Variants in NACAD observed in about 807,000 individuals in gnomAD.
NACAD encodes NAC-alpha domain-containing protein 1.
A neutral mutation model predicts 98.9 loss-of-function variants in NACAD; 47 were observed. The ratio of observed to expected loss-of-function variants is 0.48; its 90% CI spans 0.38 to 0.61. The LOEUF (loss-of-function observed/expected upper bound fraction) is 0.61, where lower values mean the gene tolerates loss of function less well. Ranked by LOEUF, NACAD falls within the 20% of genes least tolerant of loss-of-function variation. The probability of loss-of-function intolerance (pLI) is 0.00; values close to 1 mark genes in which losing one functional copy is unlikely to be tolerated. For missense variants in NACAD, 1,412 were observed against 1,748.2 expected (o/e 0.81, Z 3.43); for synonymous variants, 696 against 767.2 (o/e 0.91, Z 1.53).
At position 45,081,874 on chromosome 7, in the gene NACAD, A is replaced by G. The variant is rs1323529572; in HGVS notation, c.4073-7T>C. 6.5e-7 allele frequency: 1 copy of G among 1,542,770 alleles called. No individual in the cohort carries two copies. Among genetic ancestry groups the G allele is most frequent in the African/African-American group, 1.4e-5 (1 of 72,904 alleles). On this transcript the variant is annotated splice_polypyrimidine_tract_variant and splice_region_variant and intron_variant, in intron 2 of 7. Coordinates refer to ENST00000490531, the MANE Select transcript of NACAD (RefSeq NM_001146334.2). ...CCCAGGGCCCGAGGCGAGTCTGGGG[A>G]AGGGGAGAGGTGTGAGGATGGCCTT...
In NACAD at chr7:45,085,858, C is replaced by T. The variant is rs1784514209; in HGVS notation, c.322G>A (p.Glu108Lys). 1 of 1,546,166 alleles carries T rather than the reference C, an allele frequency of 6.5e-7. No homozygotes were observed. The highest frequency in any genetic ancestry group is 8.7e-7 in the Non-Finnish European group (1 of 1,145,320). ...TCCAGGGTGGCCGGGAGAGGAGCCT[C>T]CGTGGACAGAGCCTGGGAAGACAGG... Reference protein sequence around the residue: ...EGLSSQALSTEAPLPATLEPR... With the variant: ...EGLSSQALSTKAPLPATLEPR... Residue 108 changes from glutamate to lysine, a missense_variant, in exon 2 of 8, where the codon GAG becomes AAG. Physicochemically the swap from Glu to Lys is moderately conservative, Grantham distance 56. Transcript: ENST00000490531. This position sits in a 1 kb window ranked among gnomAD's most constrained non-coding sequence, Gnocchi z 6.1.
At position 45,088,441 on chromosome 7, in the gene NACAD, T is replaced by TG. The variant is rs1381604896; in HGVS notation, c.67+386dup. Among the ~76,000 whole-genome samples the TG allele has an allele frequency of 6.6e-6, 1 of 152,000 alleles. No homozygotes were observed. The highest frequency in any genetic ancestry group is 1.9e-4 in the East Asian group (1 of 5,152). Reference sequence around the variant, plus strand: ...CCTCCCGGTGGTCACCTGATCGTACTGGGGGTATCAGCCGGACACCCCGCC... The same window carrying TG: ...CCTCCCGGTGGTCACCTGATCGTACTGGGGGGTATCAGCCGGACACCCCGCC... On this transcript the variant is annotated intron_variant, in intron 1 of 7. Transcript: ENST00000490531. The surrounding 1 kb of genome is among the most constrained non-coding windows in gnomAD (Gnocchi z 5.7).
At chr7:45,081,908 A>G (rs368480718) in intron 2 of NACAD, 41 bp from the exon 3 acceptor site, 2 of 1,527,310 alleles carry the variant, frequency 1.3e-6, no homozygotes. Context: ...TTTTGCTTCT[A>G]GGTGGCGGGG....
chr7:45,088,039 CA>C lies in NACAD; in HGVS notation c.67+788del, dbSNP rs1784547996. On this transcript the variant is annotated intron_variant, in intron 1 of 7. Transcript: ENST00000490531. The surrounding 1 kb of genome is among the most constrained non-coding windows in gnomAD (Gnocchi z 5.7). ...GCAGAGGCAGCAGCCTGTGTCACCC[CA>C]AACCAGGCCCCAGGCCCCAGCAGTG... Among the ~76,000 whole-genome samples, 1 of 152,206 alleles carries C rather than the reference CA, an allele frequency of 6.6e-6. No individual in the cohort carries two copies. Among genetic ancestry groups the C allele is most frequent in the Non-Finnish European group, 1.5e-5 (1 of 68,040 alleles).
Position 45,083,186 on chromosome 7 carries a change from G to A in NACAD, c.2994C>T (p.Val998=). 6.4e-7 allele frequency: 1 copy of A among 1,550,886 alleles called. No individual in the cohort carries two copies. The change falls in exon 2 of 8, where the codon GTC becomes GTT. Residue 998 remains valine, a synonymous_variant. Transcript: ENST00000490531. ...TVPEPAALDQ[V]QQDDPQPAAE... ...CAGCTGGCTGTGGGTCATCCTGTTGGACCTGGTCCAAGGCTGCAGGCTCCG... is the reference window on the plus strand; with the variant it reads ...CAGCTGGCTGTGGGTCATCCTGTTGAACCTGGTCCAAGGCTGCAGGCTCCG...
intron 7 of NACAD, 52 bp from the exon 8 acceptor site, chr7:45,080,575 A>T (rs1784412778): frequency 6.4e-7 from 1 of 1,551,316 alleles, no homozygotes; most frequent in Non-Finnish European, 8.7e-7. Flanking sequence ...TGGAGCCAAC[A>T]TCAGGACCTC....
Position 45,085,986 on chromosome 7 carries a change from G to A in NACAD, c.194C>T (p.Pro65Leu). The A allele has an allele frequency of 6.5e-7, 1 of 1,538,084 alleles. No homozygotes were observed. Among genetic ancestry groups the A allele is most frequent in the East Asian group, 2.5e-5 (1 of 40,744 alleles). ...TFLPSKPGAR[P>L]QPEGASWDAG... is the part of the protein sequence containing the mutation. Reference sequence around the variant, plus strand: ...ATCCCAGCTGGCTCCCTCGGGCTGGGGCCGGGCACCCGGCTTGCTGGGCAG... The same window carrying A: ...ATCCCAGCTGGCTCCCTCGGGCTGGAGCCGGGCACCCGGCTTGCTGGGCAG... Residue 65 changes from proline to leucine, a missense_variant, in exon 2 of 8, where the codon CCC becomes CTC. Coordinates refer to ENST00000490531, the MANE Select transcript of NACAD (RefSeq NM_001146334.2). The surrounding 1 kb of genome is among the most constrained non-coding windows in gnomAD (Gnocchi z 6.1).
Position 45,088,900 on chromosome 7 carries a change from G to T in NACAD, c.-6C>A. ...CGGGCAGCCTCCCCAGGCATGGCCT[G>T]GCCGTGCGCCCGCCCGTCCCTCAGT... On this transcript the variant is annotated 5_prime_UTR_variant, in exon 1 of 8. Coordinates refer to ENST00000490531, the MANE Select transcript of NACAD (RefSeq NM_001146334.2). The surrounding 1 kb of genome is among the most constrained non-coding windows in gnomAD (Gnocchi z 5.7). The T allele has an allele frequency of 7.0e-7, 1 of 1,425,514 alleles. No homozygotes were observed. Among genetic ancestry groups the T allele is most frequent in the Non-Finnish European group, 9.2e-7 (1 of 1,090,978 alleles). 88.3% of individuals were successfully genotyped at this position (1,425,514 alleles called of 1,614,324 possible).
At chr7:45,081,952 TCAGGGC>T in intron 2 of NACAD, 85 bp from the exon 3 acceptor site, 1 of 1,447,484 alleles carries the variant, frequency 6.9e-7, no homozygotes, top group Non-Finnish European at 9.3e-7. Context: ...TGCTGCCACA[TCAGGGC>T]CAGAGGAAGC....
At position 45,082,014 on chromosome 7, in the gene NACAD, C is replaced by T. The variant is rs1448648722; in HGVS notation, c.4072+94G>A. ...GCTGTGGGGTCTGGGCCCCCCACCT[C>T]GCCACCTCAGAGGCCCTCCAGCTCA... On this transcript the variant is annotated intron_variant, in intron 2 of 7. Transcript: ENST00000490531. This position sits in a 1 kb window ranked among gnomAD's most constrained non-coding sequence, Gnocchi z 4.5. 4 of 1,460,526 alleles carry T rather than the reference C, an allele frequency of 2.7e-6. No individual in the cohort carries two copies. The highest frequency in any genetic ancestry group is 2.7e-6 in the Non-Finnish European group (3 of 1,101,718). The allele number at this position is 1,460,526 out of a possible 1,614,324, so 90.5% of individuals were successfully genotyped here. A position where few individuals can be genotyped will look rare whatever the true frequency, so the allele number is the denominator to read the frequency against.
Position 45,088,835 on chromosome 7 carries a change from G to C in NACAD, c.60C>G (p.Pro20=). The part of the protein sequence containing the change: ...LLLPEADRPG[P]RTDLSCDAAA... ...GAGTGGCCACGGCCTCACCTGTGCG[G>C]GGCCCGGGTCGGTCCGCCTCGGGCA... Residue 20 remains proline, a synonymous_variant, in exon 1 of 8, where the codon CCC becomes CCG. Coordinates refer to ENST00000490531, the MANE Select transcript of NACAD (RefSeq NM_001146334.2). This position sits in a 1 kb window ranked among gnomAD's most constrained non-coding sequence, Gnocchi z 5.7. 6.7e-7 allele frequency: 1 copy of C among 1,493,278 alleles called. No homozygotes were observed. Among genetic ancestry groups the C allele is most frequent in the Non-Finnish European group, 8.9e-7 (1 of 1,126,572 alleles). 92.5% of individuals were successfully genotyped at this position (1,493,278 alleles called of 1,614,324 possible). A position where few individuals can be genotyped will look rare whatever the true frequency, so the allele number is the denominator to read the frequency against.
At position 45,084,896 on chromosome 7, in the gene NACAD, TCCG is replaced by T. The variant is rs986804060; in HGVS notation, c.1281_1283del (p.Ser427_Gly428delinsArg). On this transcript the variant is annotated inframe_deletion, in exon 2 of 8. Transcript: ENST00000490531. ...GAGCCTGCAGCCCCTTGGCCCCACC[TCCG>T]CTCTCCTCCTCTGTCTTCTGGACAC... 6 of 1,550,872 alleles carry T rather than the reference TCCG, an allele frequency of 3.9e-6. No homozygotes were observed. In the African/African-American group the frequency reaches 6.8e-5, roughly 18 times the overall value.
intron 1 of NACAD, among the ~76,000 whole-genome samples, chr7:45,086,564 G>C (rs1358915137): frequency 6.6e-6 from 1 of 152,224 alleles, no homozygotes; most frequent in Non-Finnish European, 1.5e-5. Context: ...CATGAGGCAG[G>C]TGGCACCAGC....
In NACAD at chr7:45,081,064, C is replaced by G. The variant is rs146670050; in HGVS notation, c.4405-42G>C. ...AGCTGTGTCAGTAGAGCCTGTCCCC[C>G]CCTTGTCCCCTATCCCTCGGATCCC... On this transcript the variant is annotated intron_variant, in intron 5 of 7. Transcript: ENST00000490531. 1,694 of 1,550,892 alleles carry G rather than the reference C, an allele frequency of 1.1e-3. 24 individuals carry two copies. The African/African-American group carries it at 0.021, about 19-fold the overall frequency.
rs752082884 is a variant in NACAD at position 45,084,814 on chromosome 7, C to T, written c.1366G>A (p.Ala456Thr). Residue 456 changes from alanine (A) to threonine (T), a missense_variant, in exon 2 of 8, where the codon GCC becomes ACC. Ala to Thr is a moderately conservative substitution (Grantham distance 58). Around this residue, in one of 5 missense-constraint regions of NACAD, gnomAD observed 638 missense variants for 722.7 expected, o/e 0.88. Transcript: ENST00000490531. Reference sequence around the variant, plus strand: ...AATTCCTGTCTCTGGGACAGATAGGCCCCTCTGTCTGAGGTCTGAGGAGCA... The same window carrying T: ...AATTCCTGTCTCTGGGACAGATAGGTCCCTCTGTCTGAGGTCTGAGGAGCA... ...EAAPQTSDRG[A>T]YLSQRQELIS... is the part of the protein sequence containing the mutation. 3.4e-5 allele frequency: 52 copies of T among 1,550,786 alleles called. No homozygotes were observed. The highest frequency in any genetic ancestry group is 4.4e-5 in the Non-Finnish European group (50 of 1,146,928).
Position 45,081,687 on chromosome 7 carries a change from G to A in NACAD, c.4186-15C>T. On this transcript the variant is annotated splice_polypyrimidine_tract_variant and intron_variant, in intron 3 of 7. Coordinates refer to ENST00000490531, the MANE Select transcript of NACAD (RefSeq NM_001146334.2). ...CCTGCTGGGGCCTGAGAAAAGGTGA[G>A]GGCTGAGCATCCATGGGTGGGGTGT... The A allele has an allele frequency of 6.4e-7, 1 of 1,551,422 alleles. No individual in the cohort carries two copies. The highest frequency in any genetic ancestry group is 8.7e-7 in the Non-Finnish European group (1 of 1,147,002).
intron 1 of NACAD, among the ~76,000 whole-genome samples, chr7:45,087,994 C>T (rs10234808): frequency 0.27 from 40,750 of 152,158 alleles, 6,637 homozygotes; most frequent in Admixed American, 0.38. Flanking sequence ...TGGGCCTGCA[C>T]TCCCTGCCTC....
In NACAD at chr7:45,082,038, C is replaced by G; in HGVS notation, c.4072+70G>C. ...TCGCCACCTCAGAGGCCCTCCAGCT[C>G]AGGACAGCTCTAAGGAGGAGTCCAG... On this transcript the variant is annotated intron_variant, in intron 2 of 7. Coordinates refer to ENST00000490531, the MANE Select transcript of NACAD (RefSeq NM_001146334.2). The surrounding 1 kb of genome is among the most constrained non-coding windows in gnomAD (Gnocchi z 4.5). 6.8e-7 allele frequency: 1 copy of G among 1,465,096 alleles called. No homozygotes were observed. Among genetic ancestry groups the G allele is most frequent in the Admixed American group, 2.7e-5 (1 of 37,556 alleles). The allele number at this position is 1,465,096 out of a possible 1,614,324, so 90.8% of individuals were successfully genotyped here.
intron 1 of NACAD, among the ~76,000 whole-genome samples, chr7:45,087,870 C>T (rs778746383): frequency 2.0e-5 from 3 of 152,170 alleles, no homozygotes; most frequent in Admixed American, 6.5e-5. Context: ...GGCAGGGGAA[C>T]GGCTGAGCTG....
Sources: gnomAD v4.1 joint callset for allele counts (sites outside exome capture counted in the v4.1 genomes callset) on GRCh38, gnomAD v4.1.1 for gene constraint, gnomAD v4.1.1 regional missense constraint, Gnocchi (gnomAD v3.1) non-coding constraint, MANE v1.5 for transcripts, NCBI Gene and HGNC (gene_info 2026-07-23, HGNC 2026-07-21) for gene names.